Variants in KIF3B observed in about 807,000 individuals in gnomAD.
The protein encoded by KIF3B is kinesin family member 3B, also known as kinesin-like protein KIF3B.
Under a neutral mutation model 74.3 loss-of-function variants are expected in KIF3B, and 38 were observed. The observed-to-expected ratio is 0.51, with a 90% CI of 0.39 to 0.67. The LOEUF (loss-of-function observed/expected upper bound fraction) is 0.67, where lower values mean the gene tolerates loss of function less well. Ranked by LOEUF, KIF3B falls within the 30% of genes least tolerant of loss-of-function variation. The pLI, the probability that KIF3B is intolerant of heterozygous loss-of-function variation, is 0.00. For synonymous variants in KIF3B, 326 were observed against 342.5 expected (o/e 0.95, Z 0.53); for missense variants, 649 against 932.0 (o/e 0.70, Z 3.95).
At position 32,316,837 on chromosome 20, in the gene KIF3B, C is replaced by T; in HGVS notation, c.1711C>T (p.Gln571Ter). Residue 571 changes from glutamine to a stop codon, truncating the protein, a stop_gained, in exon 5 of 9, where the codon CAG becomes TAG. Coordinates refer to ENST00000375712, the MANE Select transcript of KIF3B (RefSeq NM_004798.4). LOFTEE classifies it high-confidence loss of function. ...CATCAAGGAGCGCCAAGAGCTAGAG[C>T]AGACTCAGAATGAGCTCACCAGGGA... ...EHIKERQELE[Q>*]TQNELTRELK... is the part of the protein sequence containing the mutation. The T allele has an allele frequency of 6.2e-7, 1 of 1,614,072 alleles. No individual in the cohort carries two copies. Among genetic ancestry groups the T allele is most frequent in the Non-Finnish European group, 8.5e-7 (1 of 1,179,974 alleles).
chr20:32,305,570 CTTTTT>C (rs869049527), intron 1 of KIF3B, among the ~76,000 whole-genome samples: 1 of 86,872 alleles, frequency 1.2e-5, no homozygotes, highest in African/African-American at 5.2e-5. Flanking sequence ...ACTCCCCCAC[CTTTTT>C]TTTTTTTTTT....
chr20:32,308,554 G>A (rs919829508), intron 1 of KIF3B, among the ~76,000 whole-genome samples: 1 of 152,050 alleles, frequency 6.6e-6, no homozygotes, highest in African/African-American at 2.4e-5. Context: ...GGGATTACAG[G>A]TGCCCACCAC....
chr20:32,291,324 TC>T (rs967900801), intron 1 of KIF3B, among the ~76,000 whole-genome samples: 6 of 152,142 alleles, frequency 3.9e-5, no homozygotes, highest in Non-Finnish European at 8.8e-5. Flanking sequence ...GATTTTTTTT[TC>T]ATTTGGAAAA....
chr20:32,327,517 G>A, intron 6 of KIF3B, 39 bp from the exon 7 acceptor site: 1 of 1,557,918 alleles, frequency 6.4e-7, no homozygotes, highest in Non-Finnish European at 8.8e-7. Flanking sequence ...GGTTCCACAG[G>A]ACTCCAGCCA....
At chr20:32,296,264 C>T (rs555449057) in intron 1 of KIF3B, among the ~76,000 whole-genome samples, 1 of 152,222 alleles carries the variant, frequency 6.6e-6, no homozygotes, top group South Asian at 2.1e-4. Context: ...CAAAGCCTTT[C>T]CATCTCTCTT....
At chr20:32,288,841 A>G (rs2047678760) in intron 1 of KIF3B, among the ~76,000 whole-genome samples, 1 of 152,176 alleles carries the variant, frequency 6.6e-6, no homozygotes. Flanking sequence ...GAGCCAAGAC[A>G]GTTCTGATGG....
chr20:32,312,176 A>G (rs922123757), intron 2 of KIF3B, among the ~76,000 whole-genome samples: 3 of 150,384 alleles, frequency 2.0e-5, no homozygotes, highest in Admixed American at 6.7e-5. Context: ...CAGTGGCCCA[A>G]TCACTGCAGC....
chr20:32,305,171 C>A lies in KIF3B; in HGVS notation c.-65-4542C>A, dbSNP rs143706321. ...TTAAAAAACAAACAAACAAAAAAAA[C>A]CCAAAAAAACATGAATTACATGTTT... is the stretch of plus-strand genomic sequence containing the variant. On this transcript the variant is annotated intron_variant, in intron 1 of 8. Transcript: ENST00000375712. 1.8e-3 allele frequency among the ~76,000 whole-genome samples: 279 copies of A among 151,512 alleles called. 1 individual carries two copies. Among genetic ancestry groups the A allele is most frequent in the African/African-American group, 6.3e-3 (260 of 41,278 alleles).
At chr20:32,330,654 A>C (rs1233820007) in intron 8 of KIF3B, among the ~76,000 whole-genome samples, 2 of 152,252 alleles carry the variant, frequency 1.3e-5, no homozygotes, top group Non-Finnish European at 2.9e-5. Flanking sequence ...AAAACTTAGA[A>C]GGCAAATATT....
intron 5 of KIF3B, among the ~76,000 whole-genome samples, chr20:32,324,757 G>C (rs6141289): frequency 6.6e-6 from 1 of 151,924 alleles, no homozygotes; most frequent in Admixed American, 6.6e-5. Flanking sequence ...GGCAAGGTGC[G>C]GTGGCTCATG....
At position 32,332,095 on chromosome 20, in the gene KIF3B, C is replaced by T. The variant is rs2047933316; in HGVS notation, c.*776C>T. 6.5e-6 allele frequency: 1 copy of T among 152,746 alleles called. No homozygotes were observed. Among genetic ancestry groups the T allele is most frequent in the South Asian group, 2.1e-4 (1 of 4,832 alleles). 9.5% of individuals were successfully genotyped at this position (152,746 alleles called of 1,614,324 possible). A position where few individuals can be genotyped will look rare whatever the true frequency, so the allele number is the denominator to read the frequency against. ...CTAAGTCTGTAAGCTGGTGCCATGT[C>T]CATACACCATGTCACTTTACTCTTC... On this transcript the variant is annotated 3_prime_UTR_variant, in exon 9 of 9. Coordinates refer to ENST00000375712, the MANE Select transcript of KIF3B (RefSeq NM_004798.4).
chr20:32,295,854 CTTTTTTT>C (rs66566110), intron 1 of KIF3B, among the ~76,000 whole-genome samples: 4 of 110,870 alleles, frequency 3.6e-5, no homozygotes, highest in Non-Finnish European at 7.1e-5. Context: ...TTTTTATTAT[CTTTTTTT>C]TTTTTTTTTT....
intron 3 of KIF3B, 26 bp from the exon 4 acceptor site, chr20:32,316,501 C>G (rs752058628): frequency 7.4e-6 from 12 of 1,613,402 alleles, no homozygotes; most frequent in Middle Eastern, 1.7e-4. Flanking sequence ...CTAGGGCAAG[C>G]TGATGAATTT....
chr20:32,306,085 TGAA>T (rs1569198171), intron 1 of KIF3B, among the ~76,000 whole-genome samples: 9 of 119,016 alleles, frequency 7.6e-5, no homozygotes, highest in Admixed American at 1.7e-4. Context: ...AGACTCCATC[TGAA>T]AAAAAAAAAA....
chr20:32,320,014 C>T (rs1487145318), intron 5 of KIF3B, among the ~76,000 whole-genome samples: 1 of 152,006 alleles, frequency 6.6e-6, no homozygotes, highest in East Asian at 1.9e-4. Flanking sequence ...CCTGCTTCAG[C>T]CTCCCGAGTA....
intron 1 of KIF3B, among the ~76,000 whole-genome samples, chr20:32,280,714 C>CAAAAAAAAA (rs34366324): frequency 7.8e-5 from 4 of 51,348 alleles, no homozygotes; most frequent in Non-Finnish European, 1.0e-4. Context: ...GACTCCGTCT[C>CAAAAAAAAA]AAAAAAAAAA....
rs1555896710 is a variant in KIF3B at position 32,322,770 on chromosome 20, A to ATATATT, written c.1749-3996_1749-3995insTTATAT. On this transcript the variant is annotated intron_variant, in intron 5 of 8. Coordinates refer to ENST00000375712, the MANE Select transcript of KIF3B (RefSeq NM_004798.4). ...TTTATATATATATTTATATATATTT[A>ATATATT]TATATATATTTATATATATTTATAT... is the stretch of plus-strand genomic sequence containing the variant. Among the ~76,000 whole-genome samples the ATATATT allele has an allele frequency of 6.4e-4, 26 of 40,360 alleles. 1 individual carries two copies. The highest frequency in any genetic ancestry group is 3.5e-3 in the African/African-American group (26 of 7,328). The allele number at this position is 40,360 out of a possible 152,430, so 26.5% of individuals were successfully genotyped here.
At chr20:32,303,914 TA>T (rs1166747316) in intron 1 of KIF3B, among the ~76,000 whole-genome samples, 2 of 151,630 alleles carry the variant, frequency 1.3e-5, no homozygotes, top group Non-Finnish European at 2.9e-5. Context: ...GTTTAATGCA[TA>T]AAATTAGGCC....
At chr20:32,297,722 TGG>T (rs1256311297) in intron 1 of KIF3B, among the ~76,000 whole-genome samples, 2 of 152,070 alleles carry the variant, frequency 1.3e-5, no homozygotes, top group Non-Finnish European at 2.9e-5. Context: ...ATAGTGGGGT[TGG>T]GGAAGATTCC....
Sources: allele counts gnomAD v4.1 joint callset (sites outside exome capture counted in the v4.1 genomes callset), GRCh38; gene constraint gnomAD v4.1.1; transcripts MANE v1.5; gene names NCBI Gene and HGNC (gene_info 2026-07-23, HGNC 2026-07-21).